Variants in FRMPD4 observed in about 807,000 individuals in gnomAD.
FRMPD4 encodes the protein FERM and PDZ domain-containing protein 4.
In FRMPD4, 22 loss-of-function variants were observed where a neutral mutation model predicts 94.1. The observed-to-expected ratio is 0.23, with a 90% CI of 0.17 to 0.33. The LOEUF (loss-of-function observed/expected upper bound fraction) is 0.33. Among genes scored for constraint, FRMPD4 ranks in the 10% least tolerant of loss-of-function variants. The pLI is 1.00. For missense variants in FRMPD4, 1,111 were observed against 1,339.9 expected (o/e 0.83, Z 2.67); for synonymous variants, 631 against 548.6 (o/e 1.15, Z -2.10).
chrX:12,007,277 T>G (rs1419686195), intron 3 of FRMPD4, among the ~76,000 whole-genome samples: 2 of 111,914 alleles, frequency 1.8e-5, no homozygotes, highest in Admixed American at 1.9e-4. Context: ...ATGTTGGAAT[T>G]GGATCGTTTT....
intron 1 of FRMPD4, among the ~76,000 whole-genome samples, chrX:12,293,777 C>A (rs771651398): frequency 1.8e-5 from 2 of 112,165 alleles, no homozygotes; most frequent in South Asian, 7.4e-4. Context: ...TTACAAAACA[C>A]GGGGATTGTT....
chrX:12,539,116 T>C (rs943110150), intron 2 of FRMPD4, among the ~76,000 whole-genome samples: 1 of 112,287 alleles, frequency 8.9e-6, no homozygotes, highest in Non-Finnish European at 1.9e-5. Context: ...CTGAAAACTA[T>C]GGCACGAGAA....
intron 1 of FRMPD4, among the ~76,000 whole-genome samples, chrX:12,447,238 TA>T (rs1321892456): frequency 8.9e-6 from 1 of 111,848 alleles, no homozygotes; most frequent in East Asian, 2.8e-4. Flanking sequence ...TGGGGCCAGA[TA>T]ATTTTTTGTC....
chrX:12,568,366 A>G (rs149862373), intron 2 of FRMPD4, among the ~76,000 whole-genome samples: 2,031 of 112,364 alleles, frequency 0.018, 47 homozygotes, highest in African/African-American at 0.062. Context: ...AAACAGATTA[A>G]GGTGCAAATA....
chrX:12,522,003 A>C (rs1018977518), intron 2 of FRMPD4, among the ~76,000 whole-genome samples: 2 of 111,290 alleles, frequency 1.8e-5, no homozygotes, highest in Admixed American at 1.9e-4. Flanking sequence ...TGAAAATGGA[A>C]AACTGTGGAA....
chrX:11,876,121 G>A (rs915018379), intron 2 of FRMPD4, among the ~76,000 whole-genome samples: 6 of 109,113 alleles, frequency 5.5e-5, no homozygotes, highest in East Asian at 2.9e-4. Context: ...TGATCCGCCC[G>A]CCTCGGCCTC....
In FRMPD4 at chrX:12,456,247, CTCTTTCTCTCTCTCT is replaced by C. The variant is rs2057332449; in HGVS notation, c.42-42425_42-42411del. Among the ~76,000 whole-genome samples the C allele has an allele frequency of 4.5e-5, 5 of 111,905 alleles. No individual in the cohort carries two copies. The South Asian group carries it at 1.5e-3, about 34-fold the overall frequency. ...GACTACTCAAGTCTTCTTTCTCCAT[CTCTTTCTCTCTCTCT>C]TCTTTCTTCCTTTCCATTCTCTCTC... On this transcript the variant is annotated intron_variant, in intron 1 of 16. Coordinates refer to ENST00000675598, the MANE Select transcript of FRMPD4 (RefSeq NM_001368397.1).
intron 2 of FRMPD4, among the ~76,000 whole-genome samples, chrX:12,592,082 T>C (rs2058988232): frequency 9.0e-6 from 1 of 111,325 alleles, no homozygotes; most frequent in Non-Finnish European, 1.9e-5. Flanking sequence ...CCTTCTCCCT[T>C]GAAGACCTTC....
At chrX:11,863,687 G>GAAT (rs956411445) in intron 1 of FRMPD4, among the ~76,000 whole-genome samples, 3 of 111,895 alleles carry the variant, frequency 2.7e-5, no homozygotes, top group Non-Finnish European at 5.6e-5. Context: ...TAAAAATAAT[G>GAAT]AATAATAATA....
intron 1 of FRMPD4, among the ~76,000 whole-genome samples, chrX:12,313,078 G>C (rs1229085889): frequency 1.8e-5 from 2 of 111,360 alleles, no homozygotes; most frequent in African/African-American, 6.5e-5. Flanking sequence ...TAGGGAGGTG[G>C]AGAAAAAAGG....
chrX:11,863,814 T>C (rs1348815366), intron 1 of FRMPD4, among the ~76,000 whole-genome samples: 2 of 112,313 alleles, frequency 1.8e-5, no homozygotes, highest in African/African-American at 3.2e-5. Flanking sequence ...ATCCTTTCAA[T>C]ACATTTTATC....
At chrX:11,949,806 G>A (rs2147363939) in intron 3 of FRMPD4, among the ~76,000 whole-genome samples, 1 of 111,269 alleles carries the variant, frequency 9.0e-6, no homozygotes, top group South Asian at 3.9e-4. Context: ...GTTGCCCGAT[G>A]GTTGAGACAA....
chrX:11,839,734 G>A (rs115704462), intron 1 of FRMPD4, among the ~76,000 whole-genome samples: 2,904 of 110,997 alleles, frequency 0.026, 90 homozygotes, highest in African/African-American at 0.089. Flanking sequence ...GTGGTAAGCC[G>A]CTAAGTTCCT....
chrX:12,053,438 A>G (rs371531630), intron 3 of FRMPD4, among the ~76,000 whole-genome samples: 4 of 99,198 alleles, frequency 4.0e-5, no homozygotes, highest in African/African-American at 1.4e-4. Flanking sequence ...AAGAGAAAGA[A>G]AGAAGAGAAG....
At chrX:12,092,945 T>C (rs1443847854) in intron 3 of FRMPD4, among the ~76,000 whole-genome samples, 1 of 111,611 alleles carries the variant, frequency 9.0e-6, no homozygotes, top group Admixed American at 9.5e-5. Context: ...GGTCTGCCTG[T>C]GAAGGTTACT....
chrX:12,620,227 A>G (rs779080710), intron 4 of FRMPD4, among the ~76,000 whole-genome samples: 1 of 112,694 alleles, frequency 8.9e-6, no homozygotes, highest in Non-Finnish European at 1.9e-5. Flanking sequence ...CAGGCCTGCT[A>G]GCCTTGGTCC....
intron 3 of FRMPD4, among the ~76,000 whole-genome samples, chrX:12,094,283 A>C (rs923563224): frequency 5.3e-5 from 6 of 112,393 alleles, no homozygotes; most frequent in African/African-American, 1.9e-4. Context: ...GACATTAATT[A>C]ATTAACTCAA....
chrX:12,305,742 T>C (rs1036247755), intron 1 of FRMPD4, among the ~76,000 whole-genome samples: 2 of 97,079 alleles, frequency 2.1e-5, no homozygotes, highest in Non-Finnish European at 4.1e-5. Context: ...TTTTTTTTTT[T>C]TTTTTACAGA....
chrX:12,184,158 G>A (rs2056395521), intron 1 of FRMPD4, among the ~76,000 whole-genome samples: 1 of 110,786 alleles, frequency 9.0e-6, no homozygotes, highest in Admixed American at 9.7e-5. Context: ...AAAGTCCCAA[G>A]TTAATTTCCC....
Sources: gnomAD v4.1 joint callset for allele counts (sites outside exome capture counted in the v4.1 genomes callset) on GRCh38, gnomAD v4.1.1 for gene constraint, MANE v1.5 for transcripts, NCBI Gene and HGNC (gene_info 2026-07-23, HGNC 2026-07-21) for gene names.